DOCK2: variants seen among roughly 807,000 people sequenced by gnomAD.
The protein encoded by DOCK2 is dedicator of cytokinesis protein 2.
Under a neutral mutation model 248.9 loss-of-function variants are expected in DOCK2, and 87 were observed. The ratio of observed to expected loss-of-function variants is 0.35; its 90% CI spans 0.29 to 0.42. The LOEUF (loss-of-function observed/expected upper bound fraction) is 0.42. Ranked by LOEUF, DOCK2 falls within the 10% of genes least tolerant of loss-of-function variation. DOCK2 has a pLI of 1.00. For missense variants in DOCK2, 1,747 were observed against 2,300.2 expected, an observed-to-expected ratio of 0.76 and a Z score of 4.92; for synonymous variants, 805 against 821.6, an observed-to-expected ratio of 0.98 and a Z score of 0.35.
intron 29 of DOCK2, among the ~76,000 whole-genome samples, chr5:169,992,126 C>T (rs1017809363): frequency 6.6e-6 from 1 of 152,278 alleles, no homozygotes; most frequent in Non-Finnish European, 1.5e-5. Context: ...TTTACATGTA[C>T]TGGCTGGGCT....
chr5:170,026,950 G>A (rs1174367313), intron 33 of DOCK2, among the ~76,000 whole-genome samples: 1 of 152,078 alleles, frequency 6.6e-6, no homozygotes, highest in Non-Finnish European at 1.5e-5. Flanking sequence ...ATTCAAACTG[G>A]CTGATATATA....
chr5:169,952,665 C>T (rs1485542211), intron 27 of DOCK2, among the ~76,000 whole-genome samples: 2 of 152,172 alleles, frequency 1.3e-5, no homozygotes, highest in African/African-American at 4.8e-5. Context: ...CAGCACCCCA[C>T]CTGCTTTTCC....
intron 20 of DOCK2, 56 bp downstream of exon 20, chr5:169,716,358 G>T (rs758434853): frequency 6.4e-7 from 1 of 1,562,272 alleles, no homozygotes; most frequent in Non-Finnish European, 8.8e-7. Context: ...ATGTCTTACT[G>T]TGAAAATACT....
At chr5:169,850,278 G>A (rs1033661013) in intron 27 of DOCK2, among the ~76,000 whole-genome samples, 7 of 152,162 alleles carry the variant, frequency 4.6e-5, no homozygotes, top group African/African-American at 1.7e-4. Context: ...GAGCTTGAAC[G>A]CCTTCCCAGC....
At chr5:169,710,543 A>C (rs1241419894) in intron 15 of DOCK2, among the ~76,000 whole-genome samples, 1 of 152,252 alleles carries the variant, frequency 6.6e-6, no homozygotes, top group Admixed American at 6.5e-5. Flanking sequence ...GAAAGGAATA[A>C]CCTGCATTGG....
chr5:169,751,227 G>A (rs952969962), intron 23 of DOCK2, among the ~76,000 whole-genome samples: 4 of 152,180 alleles, frequency 2.6e-5, no homozygotes, highest in African/African-American at 9.7e-5. Flanking sequence ...CAGAAGGCGG[G>A]CATTTGTGTT....
At chr5:169,929,506 G>T (rs945295795) in intron 27 of DOCK2, among the ~76,000 whole-genome samples, 2 of 152,198 alleles carry the variant, frequency 1.3e-5, no homozygotes, top group Admixed American at 6.5e-5. Flanking sequence ...GAAGGCTGAG[G>T]GGGGAGGATT....
At chr5:169,689,738 C>T (rs1474715249) in intron 9 of DOCK2, among the ~76,000 whole-genome samples, 1 of 152,052 alleles carries the variant, frequency 6.6e-6, no homozygotes, top group South Asian at 2.1e-4. Flanking sequence ...TAAAATATAT[C>T]AGAAAAAAAT....
intron 3 of DOCK2, 38 bp downstream of exon 3, chr5:169,669,366 G>A (rs1758913897): frequency 6.2e-7 from 1 of 1,612,498 alleles, no homozygotes; most frequent in Admixed American, 1.7e-5. Flanking sequence ...CAGTACTGGA[G>A]GTCTTCATAT....
chr5:170,051,391 C>T (rs1054271206), intron 41 of DOCK2, among the ~76,000 whole-genome samples: 7 of 152,180 alleles, frequency 4.6e-5, no homozygotes, highest in African/African-American at 7.2e-5. Context: ...GTGATATGCC[C>T]AGCTTGTTCC....
chr5:169,673,019 C>T (rs914529430), intron 5 of DOCK2, among the ~76,000 whole-genome samples: 7 of 152,122 alleles, frequency 4.6e-5, no homozygotes, highest in Non-Finnish European at 7.4e-5. Flanking sequence ...ATGTTATTAA[C>T]CAAGAGTTTT....
At chr5:169,959,162 G>T (rs929225568) in intron 27 of DOCK2, among the ~76,000 whole-genome samples, 4 of 152,104 alleles carry the variant, frequency 2.6e-5, no homozygotes, top group African/African-American at 7.2e-5. Context: ...GGAGGCCGAG[G>T]GGGGCGGATC....
rs1756872483 is a variant in DOCK2, at chr5:169,637,288, C to T, written c.-39C>T. 3 of 1,436,428 alleles carry T rather than the reference C, an allele frequency of 2.1e-6. No individual in the cohort carries two copies. The highest frequency in any genetic ancestry group is 1.4e-5 in the South Asian group (1 of 72,156). The allele number at this position is 1,436,428 out of a possible 1,614,324, so 89.0% of individuals were successfully genotyped here. A position where few individuals can be genotyped will look rare whatever the true frequency, so the allele number is the denominator to read the frequency against. Reference sequence around the variant, plus strand: ...CCTGCGGCGCCCAGCCACCCCCTGACGGCTTCCCCACGGGAGGACGCGAGG... The same window carrying T: ...CCTGCGGCGCCCAGCCACCCCCTGATGGCTTCCCCACGGGAGGACGCGAGG... On this transcript the variant is annotated 5_prime_UTR_variant, in exon 1 of 52. It adds an upstream start codon to the 5' untranslated region. Coordinates refer to ENST00000520908, the MANE Select transcript of DOCK2 (RefSeq NM_004946.3).
intron 46 of DOCK2, among the ~76,000 whole-genome samples, chr5:170,069,880 T>C (rs1255898178): frequency 6.6e-6 from 1 of 152,154 alleles, no homozygotes; most frequent in Admixed American, 6.5e-5. Flanking sequence ...TTTCTCTCTG[T>C]GCATCTGTCT....
At chr5:169,951,877 A>G (rs1776680530) in intron 27 of DOCK2, among the ~76,000 whole-genome samples, 1 of 152,236 alleles carries the variant, frequency 6.6e-6, no homozygotes, top group Non-Finnish European at 1.5e-5. Flanking sequence ...CACACAGCCA[A>G]GAAGCAGACA....
rs773584607 is a variant in DOCK2 at position 169,761,616 on chromosome 5, A to G, written c.2545A>G (p.Lys849Glu). 1.6e-5 allele frequency: 26 copies of G among 1,613,756 alleles called. No individual in the cohort carries two copies. The highest frequency in any genetic ancestry group is 2.7e-5 in the African/African-American group (2 of 74,934). Residue 849 changes from lysine to glutamate, a missense_variant, in exon 25 of 52, where the codon AAA becomes GAA. By Grantham distance (56) the Lys-to-Glu change is moderately conservative. This residue lies in a region of DOCK2 where 858 missense variants were observed against 1,183.5 expected (regional missense o/e 0.72). Coordinates refer to ENST00000520908, the MANE Select transcript of DOCK2 (RefSeq NM_004946.3). ...TGAGATAGTCCAGAGCAACCTCTTT[A>G]AAAAGCAAGGTGAGTACACAGCACC... ...MNEIVQSNLF[K>E]KQECRDILLP...
chr5:169,921,289 A>G (rs910475889), intron 27 of DOCK2, among the ~76,000 whole-genome samples: 1 of 152,230 alleles, frequency 6.6e-6, no homozygotes, highest in Non-Finnish European at 1.5e-5. Flanking sequence ...CTAATATTAT[A>G]TAGGAAATCT....
intron 10 of DOCK2, 108 bp from the exon 11 acceptor site, chr5:169,698,266 C>A: frequency 8.9e-7 from 1 of 1,120,066 alleles, no homozygotes; most frequent in Non-Finnish European, 1.3e-6. Flanking sequence ...CCTTCCTGAC[C>A]CCCAGGCATC....
At chr5:169,645,110 G>A (rs1757381496) in intron 1 of DOCK2, among the ~76,000 whole-genome samples, 1 of 152,324 alleles carries the variant, frequency 6.6e-6, no homozygotes, top group South Asian at 2.1e-4. Context: ...ACATACGTGT[G>A]CATATGTCTT....
Sources: gnomAD v4.1 joint callset for allele counts (sites outside exome capture counted in the v4.1 genomes callset) on GRCh38, gnomAD v4.1.1 for gene constraint, gnomAD v4.1.1 regional missense constraint, MANE v1.5 for transcripts, NCBI Gene and HGNC (gene_info 2026-07-23, HGNC 2026-07-21) for gene names.